The following ANK3 variants were observed in gnomAD, a reference collection of about 807,000 sequenced individuals.
ANK3 encodes the protein ankyrin-3.
Under a neutral mutation model 370.9 loss-of-function variants are expected in ANK3, and 57 were observed. The ratio of observed to expected loss-of-function variants is 0.15; its 90% CI spans 0.12 to 0.19. The LOEUF is 0.19. Among genes scored for constraint, ANK3 ranks in the 10% least tolerant of loss-of-function variants. The pLI is 1.00. For missense variants in ANK3, 4,439 were observed against 5,302.1 expected (o/e 0.84, Z 5.06); for synonymous variants, 1,929 against 1,946.3 (o/e 0.99, Z 0.23).
Position 60,724,147 on chromosome 10 carries a change from T to C in ANK3, c.57+9116A>G, listed in dbSNP as rs534125763. Among the ~76,000 whole-genome samples, 14 of 129,956 alleles carry C rather than the reference T, an allele frequency of 1.1e-4. No homozygotes were observed. The South Asian group carries it at 4.2e-3, about 39-fold the overall frequency. 85.3% of individuals were successfully genotyped at this position (129,956 alleles called of 152,430 possible). On this transcript the variant is annotated intron_variant, in intron 1 of 43. Coordinates refer to the ANK3 transcript ENST00000373827. ...ATGGCGTGAACCCGGGAGGCGGAGC[T>C]TGCAGTGAGCCGAGATCGCGCCACT...
chr10:60,658,706 C>G (rs2133369880), intron 1 of ANK3, among the ~76,000 whole-genome samples: 1 of 152,090 alleles, frequency 6.6e-6, no homozygotes, highest in Non-Finnish European at 1.5e-5. Context: ...GTCAAATGTT[C>G]TTGTTTCTTT....
rs765636869 is a variant in ANK3, at chr10:60,615,154, T to C, written c.96+32A>G. 25 of 1,384,710 alleles carry C rather than the reference T, an allele frequency of 1.8e-5. No individual in the cohort carries two copies. In the South Asian group the frequency reaches 2.8e-4, roughly 15 times the overall value. The allele number at this position is 1,384,710 out of a possible 1,614,324, so 85.8% of individuals were successfully genotyped here. On this transcript the variant is annotated intron_variant, in intron 2 of 43. Coordinates refer to the ANK3 transcript ENST00000373827. ...AGAAACTTGTCCACACAAAATAATATATTTGTTGAGTTTAGTGATAATTTT... is the reference window on the plus strand; with the variant it reads ...AGAAACTTGTCCACACAAAATAATACATTTGTTGAGTTTAGTGATAATTTT...
At chr10:60,200,333 T>C (rs908564303) in intron 12 of ANK3, 106 bp from the exon 13 acceptor site, 8 of 807,960 alleles carry the variant, frequency 9.9e-6, no homozygotes, top group Non-Finnish European at 1.7e-5. Context: ...TAAAAAATAG[T>C]CCTAAGCACT....
At chr10:60,534,973 A>G (rs1287645878) in intron 2 of ANK3, among the ~76,000 whole-genome samples, 1 of 152,122 alleles carries the variant, frequency 6.6e-6, no homozygotes, top group Admixed American at 6.6e-5. Context: ...ACCTTCAGGG[A>G]TCCTTAAAAC....
At chr10:60,083,067 G>A (rs1267458404) in intron 33 of ANK3, among the ~76,000 whole-genome samples, 1 of 151,958 alleles carries the variant, frequency 6.6e-6, no homozygotes, top group Non-Finnish European at 1.5e-5. Flanking sequence ...AAATAATAAT[G>A]ACAAAACAAT....
At chr10:60,453,993 T>C (rs535759635) in intron 2 of ANK3, among the ~76,000 whole-genome samples, 1 of 152,310 alleles carries the variant, frequency 6.6e-6, no homozygotes, top group African/African-American at 2.4e-5. Flanking sequence ...ACATTTTAAG[T>C]TAAACAATGA....
chr10:60,081,815 CT>C (rs34005853), intron 35 of ANK3: 223,707 of 224,790 alleles, frequency 1, 111,323 homozygotes, highest in Middle Eastern at 1. Context: ...TGGTCCTACT[CT>C]TTTCCCCCTT....
At chr10:60,202,923 T>TA in intron 12 of ANK3, 79 bp downstream of exon 12, 1 of 978,620 alleles carries the variant, frequency 1.0e-6, no homozygotes, top group Non-Finnish European at 1.5e-6. Flanking sequence ...AAATAAAAAA[T>TA]AAAAAAAGTA....
In ANK3 at chr10:60,198,523, T is replaced by C; in HGVS notation, c.1506A>G (p.Pro502=). 6.2e-7 allele frequency: 1 copy of C among 1,613,982 alleles called. No individual in the cohort carries two copies. The highest frequency in any genetic ancestry group is 1.1e-5 in the South Asian group (1 of 91,072). Residue 502 remains proline (P), a synonymous_variant, in exon 14 of 44, where the codon CCA becomes CCG. Transcript: ENST00000280772. ...TCCCCAGTCGGGCTGAAATGTGGAGTGGTGTTTGGTCATCCTAAACAGCAA... is the reference window on the plus strand; with the variant it reads ...TCCCCAGTCGGGCTGAAATGTGGAGCGGTGTTTGGTCATCCTAAACAGCAA... The part of the protein sequence containing the change: ...VEAKAKDDQT[P]LHISARLGKA...
At chr10:60,127,124 T>C (rs901296553) in intron 25 of ANK3, among the ~76,000 whole-genome samples, 7 of 152,246 alleles carry the variant, frequency 4.6e-5, no homozygotes, top group African/African-American at 1.7e-4. Context: ...GTCATCTTTA[T>C]AGCTTAGGAA....
chr10:60,372,047 G>A (rs1405825748), intron 1 of ANK3, among the ~76,000 whole-genome samples: 2 of 152,140 alleles, frequency 1.3e-5, no homozygotes, highest in African/African-American at 4.8e-5. Context: ...GAGGGAAAAA[G>A]CTTTCACATC....
intron 2 of ANK3, among the ~76,000 whole-genome samples, chr10:60,448,098 C>A (rs367643793): frequency 1.8e-4 from 28 of 152,080 alleles, no homozygotes; most frequent in African/African-American, 6.8e-4. Context: ...TTTCATACAC[C>A]TGAGAATCCA....
chr10:60,506,524 C>T (rs1396160879), intron 2 of ANK3, among the ~76,000 whole-genome samples: 1 of 152,078 alleles, frequency 6.6e-6, no homozygotes, highest in African/African-American at 2.4e-5. Flanking sequence ...TTAAGTTTCA[C>T]GGGCTTCTGA....
chr10:60,485,886 T>TA (rs1366993330), intron 2 of ANK3, among the ~76,000 whole-genome samples: 3 of 151,904 alleles, frequency 2.0e-5, no homozygotes, highest in Non-Finnish European at 4.4e-5. Flanking sequence ...TTTGGGATAC[T>TA]AAAAATGGAG....
chr10:60,410,075 T>C (rs1448153102), intron 2 of ANK3, among the ~76,000 whole-genome samples: 1 of 152,100 alleles, frequency 6.6e-6, no homozygotes, highest in Non-Finnish European at 1.5e-5. Context: ...TGAATTTTGA[T>C]ATTCTGATTG....
chr10:60,442,431 T>C (rs1414874213), intron 2 of ANK3, among the ~76,000 whole-genome samples: 2 of 152,168 alleles, frequency 1.3e-5, no homozygotes, highest in African/African-American at 4.8e-5. Flanking sequence ...TCAAGATTAT[T>C]TATAATACAT....
intron 2 of ANK3, among the ~76,000 whole-genome samples, chr10:60,445,202 A>G (rs1221824995): frequency 6.6e-6 from 1 of 152,196 alleles, no homozygotes; most frequent in Non-Finnish European, 1.5e-5. Flanking sequence ...CAGCCTGGGC[A>G]ACATGACAAA....
Position 60,293,190 on chromosome 10 carries a change from A to G in ANK3, c.115-13551T>C, listed in dbSNP as rs555618781. Among the ~76,000 whole-genome samples the G allele has an allele frequency of 1.4e-4, 21 of 152,290 alleles. No homozygotes were observed. The South Asian group carries it at 3.7e-3, about 27-fold the overall frequency. ...ATCTATTCTTCCTTGTTTACCAGAGAGAGTGGCTGCTTTAAACATCCCCCT... is the reference window on the plus strand; with the variant it reads ...ATCTATTCTTCCTTGTTTACCAGAGGGAGTGGCTGCTTTAAACATCCCCCT... On this transcript the variant is annotated intron_variant, in intron 1 of 43. Transcript: ENST00000280772.
At chr10:60,044,039 C>T in intron 42 of ANK3, 1 of 985,784 alleles carries the variant, frequency 1.0e-6, no homozygotes, top group African/African-American at 1.7e-5. Flanking sequence ...AAGCTTTTGT[C>T]CTCTACATTC....
Sources: gnomAD v4.1 joint callset for allele counts (sites outside exome capture counted in the v4.1 genomes callset) on GRCh38, gnomAD v4.1.1 for gene constraint, MANE v1.5 for transcripts, NCBI Gene and HGNC (gene_info 2026-07-23, HGNC 2026-07-21) for gene names.